FIG4: variants seen among roughly 807,000 people sequenced by gnomAD.
FIG4 encodes FIG4 phosphoinositide 5-phosphatase.
FIG4 carries 112 observed loss-of-function variants against 118.6 expected under a neutral mutation model. That is an observed-to-expected ratio of 0.94 (90% CI 0.81 to 1.11). The LOEUF (loss-of-function observed/expected upper bound fraction) is 1.11, where lower values mean the gene tolerates loss of function less well. Ranked by LOEUF, FIG4 falls within the 50% of genes least tolerant of loss-of-function variation. The probability of loss-of-function intolerance (pLI) is 0.00; values close to 1 mark genes in which losing one functional copy is unlikely to be tolerated. For missense variants in FIG4, 969 were observed against 1,111.7 expected, an observed-to-expected ratio of 0.87 and a Z score of 1.83; for synonymous variants, 369 against 381.2, an observed-to-expected ratio of 0.97 and a Z score of 0.37.
intron 17 of FIG4, 103 bp downstream of exon 17, chr6:109,785,131 AAC>A: frequency 1.3e-6 from 1 of 759,482 alleles, no homozygotes; most frequent in South Asian, 1.4e-5. Context: ...TTTTATTAGA[AAC>A]AAATGAATGG....
At chr6:109,796,717 T>G (rs766852349) in intron 21 of FIG4, 48 bp from the exon 22 acceptor site, 1 of 1,070,006 alleles carries the variant, frequency 9.3e-7, no homozygotes, top group Admixed American at 1.7e-5. Flanking sequence ...CTGAATTAAT[T>G]GCAAGTACTC....
chr6:109,748,818 C>T (rs1304986722), intron 10 of FIG4, among the ~76,000 whole-genome samples: 2 of 152,044 alleles, frequency 1.3e-5, no homozygotes, highest in Admixed American at 6.6e-5. Flanking sequence ...CATCACCTCT[C>T]GTGAGACTTA....
At chr6:109,796,173 C>G (rs1466557592) in intron 21 of FIG4, among the ~76,000 whole-genome samples, 1 of 152,218 alleles carries the variant, frequency 6.6e-6, no homozygotes, top group Non-Finnish European at 1.5e-5. Context: ...GGCCGTTGTG[C>G]TCATCAGTGG....
chr6:109,697,911 C>T (rs980759119), intron 1 of FIG4, among the ~76,000 whole-genome samples: 14 of 148,874 alleles, frequency 9.4e-5, no homozygotes, highest in Middle Eastern at 3.4e-3. Flanking sequence ...TTTTCTAAGA[C>T]GGTGATTTGC....
rs574445774 is a variant in FIG4 at position 109,801,376 on chromosome 6, C to A, written c.2546+4525C>A. Among the ~76,000 whole-genome samples, 5 of 151,894 alleles carry A rather than the reference C, an allele frequency of 3.3e-5. No homozygotes were observed. In the East Asian group the frequency reaches 9.7e-4, roughly 30 times the overall value. The stretch of plus-strand genomic sequence containing the variant: ...CAGCCTGACCAGTATGGTGAAACCC[C>A]ATCTCTACTAAAAATACAAAAATTA... On this transcript the variant is annotated intron_variant, in intron 22 of 22. Coordinates refer to ENST00000230124, the MANE Select transcript of FIG4 (RefSeq NM_014845.6).
At chr6:109,694,374 A>G (rs1442628208) in intron 1 of FIG4, among the ~76,000 whole-genome samples, 1 of 152,212 alleles carries the variant, frequency 6.6e-6, no homozygotes, top group African/African-American at 2.4e-5. Flanking sequence ...TGTTGAGAAA[A>G]CTGGATATCC....
At chr6:109,764,934 T>TTTGTTTTTG in intron 13 of FIG4, 79 bp from the exon 14 acceptor site, 180 of 1,346,812 alleles carry the variant, frequency 1.3e-4, no homozygotes, top group Middle Eastern at 1.8e-4. Context: ...TGTTTTTGTT[T>TTTGTTTTTG]CTTAAAGAAA....
At chr6:109,741,662 G>T in intron 8 of FIG4, 118 bp downstream of exon 8, 1 of 760,518 alleles carries the variant, frequency 1.3e-6, no homozygotes. Context: ...ATTATCAAGA[G>T]AATACAGTTG....
In FIG4 at chr6:109,724,635, G is replaced by A. The variant is rs982310245; in HGVS notation, c.290-2474G>A. On this transcript the variant is annotated intron_variant, in intron 3 of 22. Coordinates refer to ENST00000230124, the MANE Select transcript of FIG4 (RefSeq NM_014845.6). The stretch of plus-strand genomic sequence containing the variant: ...CACTGTGCATGGTATAATTGGATGT[G>A]TGTTCCTCTTTGCATTATCTGTTAG... Among the ~76,000 whole-genome samples, 31 of 152,148 alleles carry A rather than the reference G, an allele frequency of 2.0e-4. 1 individual carries two copies. Among genetic ancestry groups the A allele is most frequent in the African/African-American group, 7.2e-4 (30 of 41,440 alleles).
chr6:109,749,299 A>C (rs1583678811), intron 10 of FIG4, among the ~76,000 whole-genome samples: 2 of 152,086 alleles, frequency 1.3e-5, no homozygotes, highest in Non-Finnish European at 2.9e-5. Context: ...ATTAATTCAG[A>C]AGTTTCATGT....
At chr6:109,743,960 T>C (rs921470728) in intron 10 of FIG4, among the ~76,000 whole-genome samples, 188 bp downstream of exon 10, 1 of 152,094 alleles carries the variant, frequency 6.6e-6, no homozygotes, top group African/African-American at 2.4e-5. Context: ...CCATGTGGCT[T>C]CTCTGCATGG....
In FIG4 at chr6:109,761,345, C is replaced by T. The variant is rs57368431; in HGVS notation, c.1272-746C>T. 2.1e-3 allele frequency among the ~76,000 whole-genome samples: 320 copies of T among 152,124 alleles called. 2 individuals carry two copies. The highest frequency in any genetic ancestry group is 7.3e-3 in the African/African-American group (302 of 41,502). ...AGCTGGGACTGCAGTCATGCACCAC[C>T]GTGCCTGGCTAATTTTTTGTTGTTG... On this transcript the variant is annotated intron_variant, in intron 11 of 22. Transcript: ENST00000230124.
At chr6:109,706,486 G>T (rs1775070127) in intron 1 of FIG4, among the ~76,000 whole-genome samples, 1 of 152,150 alleles carries the variant, frequency 6.6e-6, no homozygotes, top group Non-Finnish European at 1.5e-5. Flanking sequence ...CTCTCCCGAG[G>T]ACATAGACTG....
intron 3 of FIG4, among the ~76,000 whole-genome samples, chr6:109,718,390 A>G (rs539444874): frequency 1.6e-4 from 25 of 152,220 alleles, no homozygotes; most frequent in Non-Finnish European, 2.6e-4. Context: ...TATTAACAAA[A>G]TTAATATGGA....
intron 1 of FIG4, among the ~76,000 whole-genome samples, chr6:109,703,273 T>G (rs570317439): frequency 2.0e-4 from 30 of 152,230 alleles, no homozygotes; most frequent in Non-Finnish European, 3.7e-4. Context: ...AATGTTACTC[T>G]GTTCTTGATC....
chr6:109,789,481 A>G, intron 18 of FIG4, 113 bp from the exon 19 acceptor site: 1 of 796,474 alleles, frequency 1.3e-6, no homozygotes, highest in Non-Finnish European at 2.2e-6. Context: ...AATATGTAAT[A>G]TGTAACTCCT....
At chr6:109,726,375 GT>G (rs1273239555) in intron 3 of FIG4, among the ~76,000 whole-genome samples, 3 of 152,150 alleles carry the variant, frequency 2.0e-5, no homozygotes, top group Non-Finnish European at 4.4e-5. Context: ...CCCATTGCTT[GT>G]TTTTGTCAGG....
At chr6:109,768,176 G>A (rs1163846641) in intron 15 of FIG4, among the ~76,000 whole-genome samples, 3 of 152,156 alleles carry the variant, frequency 2.0e-5, no homozygotes, top group Non-Finnish European at 2.9e-5. Flanking sequence ...GCATGGGGTT[G>A]GCCTGGGTCC....
At chr6:109,710,074 T>G (rs192471954) in intron 1 of FIG4, among the ~76,000 whole-genome samples, 1 of 152,198 alleles carries the variant, frequency 6.6e-6, no homozygotes, top group East Asian at 1.9e-4. Flanking sequence ...TCTGGCCATT[T>G]GGTATGATGT....
Sources: allele counts gnomAD v4.1 joint callset (sites outside exome capture counted in the v4.1 genomes callset), GRCh38; gene constraint gnomAD v4.1.1; transcripts MANE v1.5; gene names NCBI Gene and HGNC (gene_info 2026-07-23, HGNC 2026-07-21).